Variants in PXDNL observed in about 807,000 individuals in gnomAD.
PXDNL encodes peroxidasin like.
In PXDNL, 145 loss-of-function variants were observed where a neutral mutation model predicts 150.8. The ratio of observed to expected loss-of-function variants is 0.96; its 90% confidence interval spans 0.84 to 1.10. The LOEUF (loss-of-function observed/expected upper bound fraction) is 1.10. Among genes scored for constraint, PXDNL ranks in the 50% least tolerant of loss-of-function variants. The pLI, the probability that PXDNL is intolerant of heterozygous loss-of-function variation, is 0.00. For synonymous variants in PXDNL, 757 were observed against 725.7 expected (o/e 1.04, Z -0.69); for missense variants, 2,087 against 1,873.9 (o/e 1.11, Z -2.10).
At chr8:51,697,259 G>A (rs1009570357) in intron 1 of PXDNL, among the ~76,000 whole-genome samples, 2 of 150,172 alleles carry the variant, frequency 1.3e-5, no homozygotes, top group Non-Finnish European at 3.0e-5. Context: ...AGCCAAGATC[G>A]TGCCACTGCA....
intron 13 of PXDNL, among the ~76,000 whole-genome samples, 191 bp from the exon 14 acceptor site, chr8:51,423,922 G>A (rs1183197101): frequency 6.6e-6 from 1 of 152,018 alleles, no homozygotes; most frequent in Non-Finnish European, 1.5e-5. Flanking sequence ...AGGAAGTGTG[G>A]TTTTTCTCTC....
At chr8:51,761,195 T>C (rs908788295) in intron 1 of PXDNL, among the ~76,000 whole-genome samples, 1 of 151,958 alleles carries the variant, frequency 6.6e-6, no homozygotes, top group African/African-American at 2.4e-5. Flanking sequence ...AACTGTTTAG[T>C]ATCTCCTTGA....
At chr8:51,383,450 C>G (rs557574585) in intron 17 of PXDNL, among the ~76,000 whole-genome samples, 15 of 152,280 alleles carry the variant, frequency 9.9e-5, no homozygotes, top group African/African-American at 3.4e-4. Flanking sequence ...AATGACAATA[C>G]ACACCAAGCC....
chr8:51,714,568 T>C (rs906153636), intron 1 of PXDNL, among the ~76,000 whole-genome samples: 5 of 152,146 alleles, frequency 3.3e-5, no homozygotes, highest in African/African-American at 1.2e-4. Flanking sequence ...TAAATATTGA[T>C]CTCCCATTAC....
At chr8:51,501,220 G>T (rs1311917581) in intron 4 of PXDNL, among the ~76,000 whole-genome samples, 1 of 152,108 alleles carries the variant, frequency 6.6e-6, no homozygotes, top group African/African-American at 2.4e-5. Flanking sequence ...GGCAATAATT[G>T]CCTTTGGGTT....
chr8:51,400,445 C>T (rs1184779450), intron 17 of PXDNL, among the ~76,000 whole-genome samples: 1 of 152,154 alleles, frequency 6.6e-6, no homozygotes, highest in African/African-American at 2.4e-5. Context: ...CTGTTTATAA[C>T]TTCTAAAACG....
At chr8:51,455,866 T>G (rs1809928170) in intron 9 of PXDNL, among the ~76,000 whole-genome samples, 1 of 152,248 alleles carries the variant, frequency 6.6e-6, no homozygotes, top group Admixed American at 6.5e-5. Flanking sequence ...CACTCCAGCC[T>G]GGGTGACAGA....
chr8:51,350,188 G>C (rs1190497891), intron 19 of PXDNL, among the ~76,000 whole-genome samples: 1 of 151,908 alleles, frequency 6.6e-6, no homozygotes, highest in African/African-American at 2.4e-5. Flanking sequence ...CCCAAGATAG[G>C]GTCTCTGGTT....
intron 1 of PXDNL, among the ~76,000 whole-genome samples, chr8:51,758,000 T>C (rs902704217): frequency 2.6e-5 from 4 of 152,176 alleles, no homozygotes; most frequent in African/African-American, 9.7e-5. Context: ...CTGAACATAT[T>C]TTTCATGTAC....
At chr8:51,705,859 G>A (rs1026231649) in intron 1 of PXDNL, among the ~76,000 whole-genome samples, 96 of 152,096 alleles carry the variant, frequency 6.3e-4, no homozygotes, top group Non-Finnish European at 5.7e-4. Context: ...GCGCGTGCAT[G>A]CACATGTGTG....
In PXDNL at chr8:51,453,115, G is replaced by A. The variant is rs541581950; in HGVS notation, c.1249+404C>T. ...TGCTGTTGTTACGCAGTCTGGCCTCGTAGGAGCCTTCAGCATGTCCTCAAG... is the reference window on the plus strand; with the variant it reads ...TGCTGTTGTTACGCAGTCTGGCCTCATAGGAGCCTTCAGCATGTCCTCAAG... On this transcript the variant is annotated intron_variant, in intron 10 of 22. Transcript: ENST00000356297. Among the ~76,000 whole-genome samples the A allele has an allele frequency of 1.1e-3, 170 of 152,342 alleles. 2 individuals carry two copies. Among genetic ancestry groups the A allele is most frequent in the African/African-American group, 3.9e-3 (164 of 41,580 alleles).
intron 19 of PXDNL, among the ~76,000 whole-genome samples, chr8:51,367,606 G>C (rs894496174): frequency 2.6e-5 from 4 of 152,040 alleles, no homozygotes; most frequent in African/African-American, 7.2e-5. Flanking sequence ...TATAAGCCCT[G>C]ATATGCAAAG....
chr8:51,567,862 A>G (rs1204169810), intron 3 of PXDNL, among the ~76,000 whole-genome samples: 1 of 151,836 alleles, frequency 6.6e-6, no homozygotes, highest in African/African-American at 2.4e-5. Context: ...TACTGATAAT[A>G]CCTAATACAA....
intron 3 of PXDNL, among the ~76,000 whole-genome samples, chr8:51,567,387 A>G (rs762771713): frequency 1.2e-4 from 18 of 151,840 alleles, no homozygotes; most frequent in Non-Finnish European, 2.1e-4. Flanking sequence ...TTCAACTATC[A>G]TAGTCGATTC....
At chr8:51,559,358 C>T (rs1812671840) in intron 3 of PXDNL, among the ~76,000 whole-genome samples, 3 of 133,824 alleles carry the variant, frequency 2.2e-5, no homozygotes, top group Non-Finnish European at 4.8e-5. Context: ...ACCTTCTTTC[C>T]TGATTAATTT....
chr8:51,798,667 A>G (rs984773265), intron 1 of PXDNL, among the ~76,000 whole-genome samples: 12 of 152,252 alleles, frequency 7.9e-5, no homozygotes, highest in African/African-American at 2.9e-4. Context: ...GTGATTATTA[A>G]AAAGTCAAGA....
chr8:51,676,708 T>C (rs1815629681), intron 1 of PXDNL, among the ~76,000 whole-genome samples: 1 of 152,174 alleles, frequency 6.6e-6, no homozygotes, highest in South Asian at 2.1e-4. Flanking sequence ...GCCAAATGCC[T>C]CCATCTCTTC....
intron 8 of PXDNL, among the ~76,000 whole-genome samples, chr8:51,460,550 G>A (rs1438615032): frequency 1.3e-5 from 2 of 149,708 alleles, no homozygotes; most frequent in Non-Finnish European, 3.0e-5. Flanking sequence ...AGTTGCTAGA[G>A]GGGAAACACA....
intron 2 of PXDNL, among the ~76,000 whole-genome samples, chr8:51,627,877 TCTGGGGC>T (rs549197295): frequency 6.6e-6 from 1 of 152,240 alleles, no homozygotes; most frequent in South Asian, 2.1e-4. Flanking sequence ...TTCGAACCTG[TCTGGGGC>T]CTACCTAAAA....
Sources: allele counts gnomAD v4.1 joint callset (sites outside exome capture counted in the v4.1 genomes callset), GRCh38; gene constraint gnomAD v4.1.1; transcripts MANE v1.5; gene names NCBI Gene and HGNC (gene_info 2026-07-23, HGNC 2026-07-21).